The following MED12L variants were observed in gnomAD, a reference collection of about 807,000 sequenced individuals.
MED12L encodes the protein mediator of RNA polymerase II transcription subunit 12-like protein.
A neutral mutation model predicts 281.3 loss-of-function variants in MED12L; 60 were observed. The ratio of observed to expected loss-of-function variants is 0.21; its 90% CI spans 0.17 to 0.26. The LOEUF is 0.26. MED12L is among the 10% of genes least tolerant of loss of function. The pLI is 1.00. For missense variants in MED12L, 2,146 were observed against 2,680.9 expected, an observed-to-expected ratio of 0.80 and a Z score of 4.41; for synonymous variants, 974 against 987.2, an observed-to-expected ratio of 0.99 and a Z score of 0.25.
chr3:151,299,329 T>TTTCCTTCC (rs1745540298), intron 16 of MED12L, among the ~76,000 whole-genome samples: 1 of 147,214 alleles, frequency 6.8e-6, no homozygotes, highest in Non-Finnish European at 1.5e-5. Flanking sequence ...TCTTTCTTTC[T>TTTCCTTCC]TTCCTTCTTT....
rs767294306 is a variant in MED12L at position 151,214,275 on chromosome 3, G to A, written c.2250+20609G>A. The stretch of plus-strand genomic sequence containing the variant: ...GCTGAGTGATCAGGAGGTTCTGAGA[G>A]CAGGATTCATCTGGAGGCTGTGTGG... On this transcript the variant is annotated intron_variant, in intron 16 of 44. Transcript: ENST00000687756. The A allele has an allele frequency of 6.2e-6, 10 of 1,613,858 alleles. No individual in the cohort carries two copies. The Admixed American group carries it at 1.7e-4, about 27-fold the overall frequency.
In MED12L at chr3:151,254,483, T is replaced by G. The variant is rs540447906; in HGVS notation, c.2250+60817T>G. Among the ~76,000 whole-genome samples the G allele has an allele frequency of 2.0e-5, 3 of 152,372 alleles. No homozygotes were observed. In the South Asian group the frequency reaches 6.2e-4, roughly 32 times the overall value. ...GTTCTGCCTGCCCATTTGCCCATTT[T>G]CCCATTTATAATTAGTTGAGATATG... On this transcript the variant is annotated intron_variant, in intron 16 of 44. Transcript: ENST00000687756.
chr3:151,383,902 A>G lies in MED12L; in HGVS notation c.4790+14A>G, dbSNP rs777951982. 6 of 1,603,288 alleles carry G rather than the reference A, an allele frequency of 3.7e-6. No homozygotes were observed. The highest frequency in any genetic ancestry group is 3.3e-5 in the South Asian group (3 of 90,474). ...GCACACTAACAAGTATGTTTTTATC[A>G]CTTCACATTGATTTTGCTACATGTA... is the stretch of plus-strand genomic sequence containing the variant. On this transcript the variant is annotated intron_variant, in intron 34 of 44. Transcript: ENST00000687756.
chr3:151,388,477 G>C (rs1286944381), intron 37 of MED12L, among the ~76,000 whole-genome samples: 2 of 152,080 alleles, frequency 1.3e-5, no homozygotes, highest in African/African-American at 4.8e-5. Context: ...GAAATTTTTA[G>C]AACTATACAA....
At chr3:151,223,466 T>G (rs1729825938) in intron 16 of MED12L, among the ~76,000 whole-genome samples, 1 of 152,226 alleles carries the variant, frequency 6.6e-6, no homozygotes. Context: ...ATGGATTGGA[T>G]GAAGAAAATA....
intron 16 of MED12L, among the ~76,000 whole-genome samples, chr3:151,216,267 A>G (rs901626786): frequency 6.6e-6 from 1 of 152,242 alleles, no homozygotes; most frequent in Non-Finnish European, 1.5e-5. Context: ...TTATTCAGGG[A>G]TCAAGGGAAA....
chr3:151,219,133 A>T (rs999886162), intron 16 of MED12L, among the ~76,000 whole-genome samples: 1 of 152,188 alleles, frequency 6.6e-6, no homozygotes, highest in Non-Finnish European at 1.5e-5. Flanking sequence ...AAGAATGTCA[A>T]TGCCAAAGAT....
At chr3:151,171,876 T>G (rs1721473723) in intron 11 of MED12L, among the ~76,000 whole-genome samples, 1 of 152,202 alleles carries the variant, frequency 6.6e-6, no homozygotes, top group African/African-American at 2.4e-5. Context: ...CCCTGGGGTC[T>G]ATGTTTCTTC....
chr3:151,134,927 A>G (rs747663121), intron 5 of MED12L, among the ~76,000 whole-genome samples: 5 of 133,728 alleles, frequency 3.7e-5, no homozygotes, highest in Non-Finnish European at 7.6e-5. Context: ...CTGGTGCATG[A>G]TGAAAAGCCA....
At chr3:151,364,847 A>T in intron 21 of MED12L, 132 bp from the exon 22 acceptor site, 1 of 651,046 alleles carries the variant, frequency 1.5e-6, no homozygotes, top group Non-Finnish European at 2.7e-6. Context: ...AGTTCTAATT[A>T]AGAACTCATA....
chr3:151,146,852 A>C (rs997250964), intron 5 of MED12L, among the ~76,000 whole-genome samples: 1 of 152,098 alleles, frequency 6.6e-6, no homozygotes, highest in Non-Finnish European at 1.5e-5. Context: ...CAGCCAGAGA[A>C]CCTGATTTAA....
intron 11 of MED12L, among the ~76,000 whole-genome samples, chr3:151,179,852 T>C (rs1276884944): frequency 6.6e-6 from 1 of 152,220 alleles, no homozygotes; most frequent in Non-Finnish European, 1.5e-5. Flanking sequence ...GCTGAAGACA[T>C]TCAATCTGAG....
At chr3:151,247,148 C>CTT (rs1190871929) in intron 16 of MED12L, among the ~76,000 whole-genome samples, 1 of 152,090 alleles carries the variant, frequency 6.6e-6, no homozygotes, top group Non-Finnish European at 1.5e-5. Context: ...AATAGGAACA[C>CTT]TTTTACACTG....
chr3:151,287,714 A>G (rs936336338), intron 16 of MED12L, among the ~76,000 whole-genome samples: 1 of 152,176 alleles, frequency 6.6e-6, no homozygotes, highest in African/African-American at 2.4e-5. Flanking sequence ...AAGGTTTATT[A>G]AAAAGTAAAG....
chr3:151,355,669 T>G (rs1753822585), intron 18 of MED12L, among the ~76,000 whole-genome samples: 1 of 152,240 alleles, frequency 6.6e-6, no homozygotes, highest in South Asian at 2.1e-4. Flanking sequence ...TTAGAATACT[T>G]AAGATTTAGG....
chr3:151,302,750 T>A (rs1217333651), intron 16 of MED12L, among the ~76,000 whole-genome samples: 1 of 152,178 alleles, frequency 6.6e-6, no homozygotes, highest in African/African-American at 2.4e-5. Context: ...CTGCTACTTC[T>A]TCAGTACCAG....
At chr3:151,094,439 G>A (rs191642903) in intron 2 of MED12L, among the ~76,000 whole-genome samples, 1 of 152,118 alleles carries the variant, frequency 6.6e-6, no homozygotes, top group African/African-American at 2.4e-5. Context: ...AAAACCAGGT[G>A]GAGGGAAGAA....
At chr3:151,099,179 A>G (rs1412365129) in intron 2 of MED12L, among the ~76,000 whole-genome samples, 4 of 152,192 alleles carry the variant, frequency 2.6e-5, no homozygotes, top group South Asian at 2.1e-4. Context: ...TCAAGGGGTG[A>G]ATTTATGAGA....
chr3:151,356,495 C>T (rs1254330236), intron 19 of MED12L, among the ~76,000 whole-genome samples: 4 of 152,106 alleles, frequency 2.6e-5, no homozygotes, highest in African/African-American at 9.7e-5. Context: ...ATAATTTAGA[C>T]ATTGTGAATT....
Sources: gnomAD v4.1 joint callset for allele counts (sites outside exome capture counted in the v4.1 genomes callset) on GRCh38, gnomAD v4.1.1 for gene constraint, MANE v1.5 for transcripts, NCBI Gene and HGNC (gene_info 2026-07-23, HGNC 2026-07-21) for gene names.